The following NOX4 variants were observed in gnomAD, a reference collection of about 807,000 sequenced individuals.
The protein encoded by NOX4 is kidney oxidase-1.
A neutral mutation model predicts 87.6 loss-of-function variants in NOX4; 69 were observed. That is an observed-to-expected ratio of 0.79 (90% CI 0.65 to 0.96). The LOEUF (loss-of-function observed/expected upper bound fraction) is 0.96, where lower values mean the gene tolerates loss of function less well. Among genes scored for constraint, NOX4 ranks in the 40% least tolerant of loss-of-function variants. The pLI, the probability that NOX4 is intolerant of heterozygous loss-of-function variation, is 0.00. For synonymous variants in NOX4, 275 were observed against 238.2 expected, an observed-to-expected ratio of 1.15 and a Z score of -1.42; for missense variants, 680 against 681.5, an observed-to-expected ratio of 1.00 and a Z score of 0.02.
At chr11:89,540,967 T>C in the NOX4 span, among the ~76,000 whole-genome samples, 3 of 151,836 alleles carry the variant, frequency 2.0e-5, no homozygotes, top group Non-Finnish European at 4.4e-5. Flanking sequence ...ATAACAGCCT[T>C]TTACTTGAAG....
At chr11:89,578,039 G>A in the NOX4 span, among the ~76,000 whole-genome samples, 1 of 152,156 alleles carries the variant, frequency 6.6e-6, no homozygotes, top group Admixed American at 6.5e-5. Context: ...TTTTCTTAGG[G>A]CCCTAGGAGG....
the NOX4 span, among the ~76,000 whole-genome samples, chr11:89,544,045 G>A: frequency 7.2e-3 from 1,098 of 152,044 alleles, 12 homozygotes; most frequent in African/African-American, 0.025. Context: ...TGAAAAAATA[G>A]AAGTAATAGA....
chr11:89,457,715 C>G (rs1945269704), intron 2 of NOX4, among the ~76,000 whole-genome samples: 2 of 152,126 alleles, frequency 1.3e-5, no homozygotes, highest in Non-Finnish European at 1.5e-5. Context: ...AAAACTCCAT[C>G]CAAAGAACAG....
At chr11:89,565,076 C>G in the NOX4 span, among the ~76,000 whole-genome samples, 3 of 152,106 alleles carry the variant, frequency 2.0e-5, no homozygotes, top group Admixed American at 2.0e-4. Context: ...AGCCAGTGAA[C>G]ATATAGCTCA....
chr11:89,491,047 C>T, intron 1 of NOX4, 143 bp downstream of exon 1: 1 of 841,396 alleles, frequency 1.2e-6, no homozygotes, highest in East Asian at 2.7e-5. Context: ...TTGTTATCTC[C>T]AGCATAAAGT....
Position 89,326,752 on chromosome 11 carries a change from GT to G in NOX4, c.*3del. 1 of 1,611,858 alleles carries G rather than the reference GT, an allele frequency of 6.2e-7. No individual in the cohort carries two copies. The highest frequency in any genetic ancestry group is 1.1e-5 in the South Asian group (1 of 90,742). ...TTTAGAGTCCTGCTTCATGGCAAAAGTTTTCAGCTGAAAGACTCTTTATTGT... is the reference window on the plus strand; with the variant it reads ...TTTAGAGTCCTGCTTCATGGCAAAAGTTTCAGCTGAAAGACTCTTTATTGT... On this transcript the variant is annotated 3_prime_UTR_variant, in exon 18 of 18. Transcript: ENST00000263317.
At chr11:89,403,414 T>C (rs867390979) in intron 8 of NOX4, among the ~76,000 whole-genome samples, 2 of 152,194 alleles carry the variant, frequency 1.3e-5, no homozygotes, top group African/African-American at 4.8e-5. Context: ...TAAAGAATAC[T>C]AAGGAAAAAT....
At chr11:89,582,634 G>A in the NOX4 span, among the ~76,000 whole-genome samples, 1 of 152,170 alleles carries the variant, frequency 6.6e-6, no homozygotes, top group Admixed American at 6.5e-5. Context: ...AAAAGTCTTT[G>A]TGACATGTCT....
At chr11:89,499,491 G>T, upstream of NOX4, among the ~76,000 whole-genome samples, 1 of 152,124 alleles carries the variant, frequency 6.6e-6, no homozygotes, top group East Asian at 1.9e-4. Context: ...AGGAATAAGA[G>T]AAATAAATAA....
intron 2 of NOX4, among the ~76,000 whole-genome samples, chr11:89,466,805 T>C (rs1945715505): frequency 2.0e-5 from 3 of 152,122 alleles, no homozygotes; most frequent in Non-Finnish European, 4.4e-5. Context: ...CAAGCCTTCC[T>C]TGATTAATGA....
chr11:89,440,961 G>T (rs934283573), intron 5 of NOX4, among the ~76,000 whole-genome samples: 3 of 152,054 alleles, frequency 2.0e-5, no homozygotes, highest in Non-Finnish European at 2.9e-5. Context: ...GACTCAAAAG[G>T]CCCAGAAATT....
chr11:89,401,586 T>C (rs1469081561), intron 9 of NOX4, among the ~76,000 whole-genome samples: 1 of 152,076 alleles, frequency 6.6e-6, no homozygotes, highest in Non-Finnish European at 1.5e-5. Flanking sequence ...AAGGTGTAAT[T>C]TGCACGGGGG....
At chr11:89,461,103 AACAATGAGAAC>A (rs1945441159) in intron 2 of NOX4, among the ~76,000 whole-genome samples, 2 of 152,238 alleles carry the variant, frequency 1.3e-5, no homozygotes, top group Middle Eastern at 3.4e-3. Context: ...GTGGGAATTG[AACAATGAGAAC>A]ACATGGACAC....
chr11:89,497,390 A>G (rs772982930), intron 1 of NOX4, among the ~76,000 whole-genome samples: 38 of 140,322 alleles, frequency 2.7e-4, no homozygotes, highest in Non-Finnish European at 1.7e-4. Flanking sequence ...TTGAGGAAAT[A>G]TGATTGGACT....
intron 4 of NOX4, among the ~76,000 whole-genome samples, chr11:89,448,079 G>A (rs930546140): frequency 6.6e-6 from 1 of 152,090 alleles, no homozygotes; most frequent in Admixed American, 6.6e-5. Context: ...AAAATACCAG[G>A]TGCTATGCCA....
At chr11:89,505,117 C>G in the NOX4 span, among the ~76,000 whole-genome samples, 4 of 151,974 alleles carry the variant, frequency 2.6e-5, no homozygotes, top group African/African-American at 9.7e-5. Flanking sequence ...AGAGGAAGGA[C>G]TATTTTCCCA....
intron 11 of NOX4, among the ~76,000 whole-genome samples, chr11:89,392,997 T>C (rs1023581857): frequency 1.3e-5 from 2 of 152,168 alleles, no homozygotes; most frequent in African/African-American, 2.4e-5. Context: ...TTCTCTATTG[T>C]GCTTAAATTC....
At chr11:89,346,752 T>G (rs1946231664) in intron 13 of NOX4, among the ~76,000 whole-genome samples, 1 of 152,298 alleles carries the variant, frequency 6.6e-6, no homozygotes, top group African/African-American at 2.4e-5. Flanking sequence ...CTAAGGCTTG[T>G]TTATTGCTTG....
At chr11:89,409,432 C>T (rs1942360291) in intron 8 of NOX4, among the ~76,000 whole-genome samples, 1 of 152,122 alleles carries the variant, frequency 6.6e-6, no homozygotes, top group African/African-American at 2.4e-5. Flanking sequence ...ATACAACTTA[C>T]AGCATAAATG....
Sources: allele counts gnomAD v4.1 joint callset (sites outside exome capture counted in the v4.1 genomes callset), GRCh38; gene constraint gnomAD v4.1.1; transcripts MANE v1.5; gene names NCBI Gene and HGNC (gene_info 2026-07-23, HGNC 2026-07-21).